The following GPR107 variants were observed in gnomAD, a reference collection of about 807,000 sequenced individuals.
GPR107 encodes the protein G protein-coupled receptor 107.
Under a neutral mutation model 75.5 loss-of-function variants are expected in GPR107, and 31 were observed. The ratio of observed to expected loss-of-function variants is 0.41; its 90% CI spans 0.31 to 0.55. GPR107 has a LOEUF of 0.55. GPR107 is among the 20% of genes least tolerant of loss of function. The pLI, the probability that GPR107 is intolerant of heterozygous loss-of-function variation, is 0.26. For synonymous variants in GPR107, 267 were observed against 251.3 expected (o/e 1.06, Z -0.59); for missense variants, 572 against 665.7 (o/e 0.86, Z 1.55).
chr9:130,111,218 C>T (rs892776214), intron 14 of GPR107, among the ~76,000 whole-genome samples: 1 of 151,978 alleles, frequency 6.6e-6, no homozygotes, highest in African/African-American at 2.4e-5. Flanking sequence ...GTAATGCTAG[C>T]GCTTTGGGAG....
intron 6 of GPR107, among the ~76,000 whole-genome samples, chr9:130,085,915 T>G (rs549665836): frequency 6.6e-6 from 1 of 151,924 alleles, no homozygotes; most frequent in Non-Finnish European, 1.5e-5. Flanking sequence ...CACGCCTGGC[T>G]GATTTTTGTA....
At chr9:130,133,172 C>T (rs1003405690) in intron 17 of GPR107, 19 of 152,212 alleles carry the variant, frequency 1.2e-4, no homozygotes, top group African/African-American at 4.3e-4. Context: ...AATAAGACCA[C>T]TTCTTTTTCC....
intron 9 of GPR107, among the ~76,000 whole-genome samples, chr9:130,095,908 C>A (rs1295262141): frequency 6.6e-6 from 1 of 152,070 alleles, no homozygotes; most frequent in African/African-American, 2.4e-5. Flanking sequence ...TTCACTGGCC[C>A]CTGAAAGCTG....
intron 5 of GPR107, among the ~76,000 whole-genome samples, chr9:130,080,627 G>A (rs1469961962): frequency 6.6e-6 from 1 of 151,744 alleles, no homozygotes; most frequent in Non-Finnish European, 1.5e-5. Context: ...AAGTAGCTGG[G>A]ACTACAGGCG....
In GPR107 at chr9:130,090,983, T is replaced by C. The variant is rs1830719735; in HGVS notation, c.729T>C (p.Asp243=). ...GTGACAAGTTTACATTCAGCCTTGA[T>C]GTGAGTACTGTTTGGAGATTGTTCT... is the stretch of plus-strand genomic sequence containing the variant. ...LPSDKFTFSL[D]IEITEKNPDS... Residue 243 remains aspartate, a splice_region_variant and synonymous_variant, in exon 8 of 18, where the codon GAT becomes GAC. Coordinates refer to ENST00000347136, the MANE Select transcript of GPR107 (RefSeq NM_020960.5). 2 of 1,208,242 alleles carry C rather than the reference T, an allele frequency of 1.7e-6. No homozygotes were observed. Among genetic ancestry groups the C allele is most frequent in the Non-Finnish European group, 2.5e-6 (2 of 813,930 alleles). The allele number at this position is 1,208,242 out of a possible 1,614,324, so 74.8% of individuals were successfully genotyped here.
chr9:130,115,813 T>G (rs1479277127), intron 14 of GPR107, among the ~76,000 whole-genome samples: 2 of 151,166 alleles, frequency 1.3e-5, no homozygotes, highest in Non-Finnish European at 2.9e-5. Flanking sequence ...TGCACATCTG[T>G]AACCCCAGCT....
chr9:130,063,889 C>T (rs1829995024), intron 1 of GPR107, among the ~76,000 whole-genome samples: 1 of 150,906 alleles, frequency 6.6e-6, no homozygotes, highest in Non-Finnish European at 1.5e-5. Context: ...ACTGCAGCCT[C>T]TATCTCCCAG....
intron 1 of GPR107, among the ~76,000 whole-genome samples, chr9:130,067,768 A>AG: frequency 1.3e-5 from 1 of 79,694 alleles, no homozygotes; most frequent in Non-Finnish European, 2.2e-5. Flanking sequence ...TTTTTTTGAG[A>AG]CAGTCTCACT....
chr9:130,081,928 A>G (rs1436700711), intron 5 of GPR107, among the ~76,000 whole-genome samples: 1 of 152,120 alleles, frequency 6.6e-6, no homozygotes, highest in Non-Finnish European at 1.5e-5. Flanking sequence ...TAATTGCCTC[A>G]CAGTTCTGCA....
intron 7 of GPR107, among the ~76,000 whole-genome samples, chr9:130,088,320 C>G (rs1830661828): frequency 6.6e-6 from 1 of 152,240 alleles, no homozygotes; most frequent in Admixed American, 6.5e-5. Flanking sequence ...AATGCTGTCT[C>G]TCAGAATTCC....
In GPR107 at chr9:130,069,601, A is replaced by G. The variant is rs564398416; in HGVS notation, c.142-6035A>G. ...CACTTCCATACATATCTTATTTGAC[A>G]TGACACGATAGCTTAAAATGGAGGT... is the stretch of plus-strand genomic sequence containing the variant. On this transcript the variant is annotated intron_variant, in intron 1 of 17. Transcript: ENST00000347136. Among the ~76,000 whole-genome samples, 5 of 152,344 alleles carry G rather than the reference A, an allele frequency of 3.3e-5. No homozygotes were observed. In the South Asian group the frequency reaches 1.0e-3, roughly 32 times the overall value.
chr9:130,115,302 A>T (rs1287775271), intron 14 of GPR107, among the ~76,000 whole-genome samples: 2 of 152,026 alleles, frequency 1.3e-5, no homozygotes, highest in Non-Finnish European at 1.5e-5. Flanking sequence ...AGTGATTTGG[A>T]TAGGAACACA....
At chr9:130,057,732 A>G (rs1001603027) in intron 1 of GPR107, among the ~76,000 whole-genome samples, 3 of 151,698 alleles carry the variant, frequency 2.0e-5, no homozygotes, top group Admixed American at 6.6e-5. Flanking sequence ...GTCTTACTCC[A>G]TGCTACATTT....
intron 13 of GPR107, among the ~76,000 whole-genome samples, chr9:130,105,899 A>G (rs528342288): frequency 6.6e-6 from 1 of 151,766 alleles, no homozygotes; most frequent in South Asian, 2.1e-4. Flanking sequence ...GGTTCAAGTG[A>G]TCTTCCCACC....
chr9:130,091,397 C>T (rs1830733732), intron 8 of GPR107, among the ~76,000 whole-genome samples: 1 of 151,866 alleles, frequency 6.6e-6, no homozygotes, highest in Admixed American at 6.6e-5. Context: ...GGGAGGATTT[C>T]TTGAGCCCAG....
At chr9:130,057,499 C>CT (rs1829821603) in intron 1 of GPR107, among the ~76,000 whole-genome samples, 1 of 73,584 alleles carries the variant, frequency 1.4e-5, no homozygotes, top group East Asian at 6.1e-4. Context: ...GACCCTATTT[C>CT]TTAAAAAAAA....
chr9:130,059,365 G>A lies in GPR107; in HGVS notation c.141+5292G>A, dbSNP rs977588630. Among the ~76,000 whole-genome samples the A allele has an allele frequency of 2.0e-4, 31 of 152,138 alleles. 1 individual carries two copies. The highest frequency in any genetic ancestry group is 3.8e-4 in the Non-Finnish European group (26 of 68,038). On this transcript the variant is annotated intron_variant, in intron 1 of 17. Transcript: ENST00000347136. ...TAGCCGAGTGCGGTGGCGGGCGCCT[G>A]CAATCCAAGCTACTGGGGAGGCTGA... is the stretch of plus-strand genomic sequence containing the variant.
At chr9:130,081,823 T>C (rs1483824368) in intron 5 of GPR107, among the ~76,000 whole-genome samples, 1 of 151,972 alleles carries the variant, frequency 6.6e-6, no homozygotes, top group East Asian at 1.9e-4. Flanking sequence ...GCCACTGCAC[T>C]CCAGCCTGGG....
At chr9:130,124,991 A>G (rs770948628) in intron 15 of GPR107, 27 bp downstream of exon 15, 3 of 1,151,506 alleles carry the variant, frequency 2.6e-6, no homozygotes, top group East Asian at 2.5e-5. Flanking sequence ...AAAATCCTCA[A>G]TCTATAAATA....
Sources: gnomAD v4.1 joint callset for allele counts (sites outside exome capture counted in the v4.1 genomes callset) on GRCh38, gnomAD v4.1.1 for gene constraint, MANE v1.5 for transcripts, NCBI Gene and HGNC (gene_info 2026-07-23, HGNC 2026-07-21) for gene names.